The following PROS1 variants were observed in gnomAD, a reference collection of about 807,000 sequenced individuals.
The protein encoded by PROS1 is protein S.
Under a neutral mutation model 75.9 loss-of-function variants are expected in PROS1, and 29 were observed. That is an observed-to-expected ratio of 0.38 (90% CI 0.28 to 0.52). PROS1 has a LOEUF of 0.52. PROS1 is among the 20% of genes least tolerant of loss of function. The probability of loss-of-function intolerance (pLI) is 0.83; values close to 1 mark genes in which losing one functional copy is unlikely to be tolerated. For missense variants in PROS1, 680 were observed against 810.3 expected (o/e 0.84, Z 1.95); for synonymous variants, 245 against 280.6 (o/e 0.87, Z 1.27).
chr3:93,958,582 A>G (rs1325126775), intron 1 of PROS1: 21 of 152,222 alleles, frequency 1.4e-4, no homozygotes, highest in Non-Finnish European at 1.5e-5. Flanking sequence ...GTCCCCATCC[A>G]AATCTCATCT....
rs771550308 is a variant in PROS1 at position 93,886,417 on chromosome 3, A to T, written c.1242T>A (p.Phe414Leu). 9 of 1,613,586 alleles carry T rather than the reference A, an allele frequency of 5.6e-6. No homozygotes were observed. Among genetic ancestry groups the T allele is most frequent in the Non-Finnish European group, 6.8e-6 (8 of 1,179,704 alleles). Residue 414 changes from phenylalanine (F) to leucine (L), a missense_variant, in exon 11 of 15, where the codon TTT (phenylalanine) becomes TTA (leucine). Transcript: ENST00000394236. ...TTTCCAGCAATCCATTTTCCGGCTT[A>T]AAAAGGGGTCCAGGTTTATTTATAT... Reference protein sequence around the residue: ...VMDINKPGPLFKPENGLLETK... With the variant: ...VMDINKPGPLLKPENGLLETK...
chr3:93,902,042 A>G (rs1708604127), intron 6 of PROS1, among the ~76,000 whole-genome samples: 1 of 152,128 alleles, frequency 6.6e-6, no homozygotes, highest in Non-Finnish European at 1.5e-5. Context: ...GGCCGGGCAC[A>G]GCAGCAGTGC....
chr3:93,874,387 G>A lies in PROS1; in HGVS notation c.1889C>T (p.Thr630Ile), dbSNP rs202190731. The A allele has an allele frequency of 1.4e-4, 222 of 1,613,360 alleles. No individual in the cohort carries two copies. In the East Asian group the frequency reaches 2.4e-3, roughly 17 times the overall value. ...GCCATTATAAAAGGCATTCACTGGT[G>A]TGGCACTGAATGGAACATCTGTAAA... ...GGLPDVPFSATPVNAFYNGCM... is the reference protein window; with the variant it reads ...GGLPDVPFSAIPVNAFYNGCM... The change falls in exon 15 of 15, where the codon ACA (threonine) becomes ATA (isoleucine). Residue 630 changes from threonine to isoleucine, a missense_variant. Physicochemically the swap from Thr to Ile is moderately conservative, Grantham distance 89 (BLOSUM62 -1). Transcript: ENST00000394236.
At chr3:93,947,695 T>C (rs1042049087) in intron 1 of PROS1, among the ~76,000 whole-genome samples, 1 of 151,726 alleles carries the variant, frequency 6.6e-6, no homozygotes, top group Non-Finnish European at 1.5e-5. Flanking sequence ...GCCTCCAGAG[T>C]AGCTGGGACT....
intron 10 of PROS1, among the ~76,000 whole-genome samples, chr3:93,889,912 C>A (rs1708405799): frequency 6.6e-6 from 1 of 152,132 alleles, no homozygotes; most frequent in Admixed American, 6.6e-5. Context: ...CAAGGGAAGA[C>A]AACCATAAGG....
chr3:93,966,324 C>G (rs892641443), intron 1 of PROS1, among the ~76,000 whole-genome samples: 2 of 152,182 alleles, frequency 1.3e-5, no homozygotes, highest in Non-Finnish European at 2.9e-5. Context: ...GGACGAAGTT[C>G]AAGCAAGAAT....
At chr3:93,912,455 G>C (rs545911201) in intron 3 of PROS1, among the ~76,000 whole-genome samples, 4 of 152,102 alleles carry the variant, frequency 2.6e-5, no homozygotes, top group Non-Finnish European at 5.9e-5. Flanking sequence ...TGTCTGGGGC[G>C]GGGAGGGGCA....
chr3:93,931,019 G>T (rs948113989), intron 1 of PROS1, among the ~76,000 whole-genome samples: 6 of 152,078 alleles, frequency 3.9e-5, no homozygotes, highest in Non-Finnish European at 8.8e-5. Context: ...AAATATATTT[G>T]CACTAAATTT....
At chr3:93,961,224 T>C (rs1362833554) in intron 1 of PROS1, among the ~76,000 whole-genome samples, 3 of 152,132 alleles carry the variant, frequency 2.0e-5, no homozygotes, top group East Asian at 3.9e-4. Flanking sequence ...GGACAGAGAA[T>C]GGTCCATTTT....
chr3:93,947,741 G>A, intron 1 of PROS1, among the ~76,000 whole-genome samples: 1 of 151,762 alleles, frequency 6.6e-6, no homozygotes, highest in Admixed American at 6.6e-5. Flanking sequence ...TAATTTTTTT[G>A]TATTTTTAGT....
chr3:93,928,057 C>G (rs1709054364), intron 1 of PROS1, among the ~76,000 whole-genome samples: 1 of 130,282 alleles, frequency 7.7e-6, no homozygotes, highest in Non-Finnish European at 1.6e-5. Context: ...CTCTGTCGCC[C>G]AGGCTGGAGT....
chr3:93,890,129 T>C (rs1196430588), intron 10 of PROS1, among the ~76,000 whole-genome samples: 1 of 152,108 alleles, frequency 6.6e-6, no homozygotes, highest in African/African-American at 2.4e-5. Context: ...GCAGTTGGGA[T>C]AAGGACTGAA....
At chr3:93,926,341 G>C (rs1433415761) in intron 2 of PROS1, among the ~76,000 whole-genome samples, 3 of 152,130 alleles carry the variant, frequency 2.0e-5, no homozygotes, top group African/African-American at 7.2e-5. Context: ...TTCATGTAAA[G>C]TAACAGTGGG....
At chr3:93,920,010 CAT>C (rs1183917428) in intron 3 of PROS1, among the ~76,000 whole-genome samples, 13 of 152,166 alleles carry the variant, frequency 8.5e-5, no homozygotes, top group African/African-American at 2.4e-4. Flanking sequence ...GTATTTTAGA[CAT>C]GTGTGGACTT....
Position 93,959,750 on chromosome 3 carries a change from A to G in PROS1, c.76+13924T>C, listed in dbSNP as rs186320255. Among the ~76,000 whole-genome samples the G allele has an allele frequency of 2.4e-4, 36 of 152,368 alleles. 1 individual carries two copies. The East Asian group carries it at 6.9e-3, about 29-fold the overall frequency. On this transcript the variant is annotated intron_variant, in intron 1 of 14. Coordinates refer to ENST00000394236, the MANE Select transcript of PROS1 (RefSeq NM_000313.4). ...TACTGGAATAGCAAAGTTATAGACC[A>G]TGTTTCAGGGACTTCACTTTCCAAA...
intron 1 of PROS1, among the ~76,000 whole-genome samples, chr3:93,938,322 C>T (rs551161500): frequency 1.3e-5 from 2 of 152,322 alleles, no homozygotes; most frequent in East Asian, 1.9e-4. Flanking sequence ...AACGGCCCCA[C>T]CCCTATCTCC....
In PROS1 at chr3:93,945,760, G is replaced by A. The variant is rs184956158; in HGVS notation, c.77-18353C>T. ...TTGAAAACTGGCATAAAACAGGGATGCCCTCTCTCACCACTCCTATTCAAA... is the reference window on the plus strand; with the variant it reads ...TTGAAAACTGGCATAAAACAGGGATACCCTCTCTCACCACTCCTATTCAAA... On this transcript the variant is annotated intron_variant, in intron 1 of 14. Coordinates refer to ENST00000394236, the MANE Select transcript of PROS1 (RefSeq NM_000313.4). Among the ~76,000 whole-genome samples the A allele has an allele frequency of 1.3e-3, 195 of 152,248 alleles. 1 individual carries two copies. The highest frequency in any genetic ancestry group is 2.0e-3 in the Non-Finnish European group (139 of 68,010).
intron 7 of PROS1, 84 bp from the exon 8 acceptor site, chr3:93,898,653 G>C (rs1473540854): frequency 6.8e-7 from 1 of 1,472,006 alleles, no homozygotes; most frequent in Non-Finnish European, 9.5e-7. Flanking sequence ...TATGATTGTA[G>C]TATGATATAA....
intron 1 of PROS1, among the ~76,000 whole-genome samples, chr3:93,943,074 T>C (rs112016257): frequency 3.9e-4 from 59 of 152,274 alleles, no homozygotes; most frequent in African/African-American, 1.4e-3. Flanking sequence ...CCCACCTCTA[T>C]ACAGTCCAAT....
Sources: gnomAD v4.1 joint callset for allele counts (sites outside exome capture counted in the v4.1 genomes callset) on GRCh38, gnomAD v4.1.1 for gene constraint, MANE v1.5 for transcripts, NCBI Gene and HGNC (gene_info 2026-07-23, HGNC 2026-07-21) for gene names.